Variants in PEX5L observed in about 807,000 individuals in gnomAD.
The protein encoded by PEX5L is peroxisomal biogenesis factor 5 like, also known as PEX5-related protein.
A neutral mutation model predicts 84.0 loss-of-function variants in PEX5L; 30 were observed. The ratio of observed to expected loss-of-function variants is 0.36; its 90% CI spans 0.27 to 0.48. The LOEUF (loss-of-function observed/expected upper bound fraction) is 0.48, where lower values mean the gene tolerates loss of function less well. Ranked by LOEUF, PEX5L falls within the 20% of genes least tolerant of loss-of-function variation. The pLI is 0.99. For missense variants in PEX5L, 533 were observed against 754.6 expected (o/e 0.71, Z 3.44); for synonymous variants, 270 against 283.1 (o/e 0.95, Z 0.46).
intron 8 of PEX5L, among the ~76,000 whole-genome samples, chr3:179,853,698 T>C (rs1302890517): frequency 2.0e-5 from 3 of 152,186 alleles, no homozygotes; most frequent in African/African-American, 7.2e-5. Context: ...AATGGGAGTA[T>C]CTATCTCTTT....
chr3:179,983,023 A>G (rs1786476839), intron 1 of PEX5L, among the ~76,000 whole-genome samples: 1 of 152,052 alleles, frequency 6.6e-6, no homozygotes, highest in South Asian at 2.1e-4. Flanking sequence ...GCTTTATAAC[A>G]AAAAGGAAAA....
intron 1 of PEX5L, among the ~76,000 whole-genome samples, chr3:180,010,246 C>CTTTTTTTTTTTTTTTTTTTTTT (rs1178375452): frequency 4.3e-4 from 45 of 105,142 alleles, no homozygotes; most frequent in African/African-American, 7.4e-4. Flanking sequence ...CACCCGGCCT[C>CTTTTTTTTTTTTTTTTTTTTTT]TTTTTTTTTT....
At chr3:180,003,272 AATCC>A (rs1788588796) in intron 1 of PEX5L, among the ~76,000 whole-genome samples, 1 of 152,186 alleles carries the variant, frequency 6.6e-6, no homozygotes, top group Non-Finnish European at 1.5e-5. Flanking sequence ...TCTGGGATTT[AATCC>A]ATTATTACAA....
rs998341644 is a variant in PEX5L, at chr3:179,977,331, C to T, written c.22-5666G>A. Among the ~76,000 whole-genome samples, 7 of 152,236 alleles carry T rather than the reference C, an allele frequency of 4.6e-5. No homozygotes were observed. In the South Asian group the frequency reaches 8.3e-4, roughly 18 times the overall value. ...GTTTTTTGTTTTGTGTTTAAACGCT[C>T]GTAGAGATACATGTTGCAGTTTTTA... On this transcript the variant is annotated intron_variant, in intron 1 of 14. Coordinates refer to ENST00000467460, the MANE Select transcript of PEX5L (RefSeq NM_016559.3).
At chr3:179,874,458 C>T (rs775031397) in intron 6 of PEX5L, 35 bp from the exon 7 acceptor site, 2 of 1,054,568 alleles carry the variant, frequency 1.9e-6, no homozygotes, top group Middle Eastern at 2.0e-4. Flanking sequence ...TAAACGTACA[C>T]TAGAAACAAA....
intron 1 of PEX5L, among the ~76,000 whole-genome samples, chr3:180,023,606 A>G (rs903856899): frequency 6.6e-6 from 1 of 152,204 alleles, no homozygotes; most frequent in Non-Finnish European, 1.5e-5. Flanking sequence ...AGGCCTGATA[A>G]TAATAGAATC....
chr3:179,805,499 A>G lies in PEX5L; in HGVS notation c.1676+2175T>C, dbSNP rs370133130. Among the ~76,000 whole-genome samples, 18 of 152,064 alleles carry G rather than the reference A, an allele frequency of 1.2e-4. No individual in the cohort carries two copies. The East Asian group carries it at 3.5e-3, about 29-fold the overall frequency. ...CATCTCCAGATTACTTATAACTAAT[A>G]AAATGTAAATGCTATGTATTTGTCA... On this transcript the variant is annotated intron_variant, in intron 14 of 14. Coordinates refer to ENST00000467460, the MANE Select transcript of PEX5L (RefSeq NM_016559.3).
intron 2 of PEX5L, among the ~76,000 whole-genome samples, chr3:179,953,818 T>C (rs1361729345): frequency 2.0e-5 from 3 of 152,006 alleles, no homozygotes; most frequent in African/African-American, 7.3e-5. Context: ...GGCTCAAAGG[T>C]TGACATGCAG....
intron 2 of PEX5L, among the ~76,000 whole-genome samples, chr3:179,947,157 A>G (rs1777781852): frequency 6.6e-6 from 1 of 152,208 alleles, no homozygotes; most frequent in Non-Finnish European, 1.5e-5. Flanking sequence ...GGCCTTTCTC[A>G]GTTCCACAGA....
intron 1 of PEX5L, among the ~76,000 whole-genome samples, chr3:180,035,075 TTAG>T (rs1791779434): frequency 6.6e-6 from 1 of 152,182 alleles, no homozygotes; most frequent in Non-Finnish European, 1.5e-5. Context: ...TAATTTCCCC[TTAG>T]TGGTCAATTG....
intron 2 of PEX5L, among the ~76,000 whole-genome samples, chr3:179,960,912 AC>A (rs1320744124): frequency 3.0e-4 from 45 of 152,208 alleles, no homozygotes; most frequent in African/African-American, 8.9e-4. Context: ...TAACTGAACA[AC>A]CCTTGACTGG....
At chr3:179,849,840 C>T (rs960593957) in intron 8 of PEX5L, among the ~76,000 whole-genome samples, 4 of 152,194 alleles carry the variant, frequency 2.6e-5, no homozygotes, top group African/African-American at 7.2e-5. Flanking sequence ...GTGGATTTCT[C>T]AGATTTAAAG....
At chr3:179,926,507 C>G (rs79512841) in intron 2 of PEX5L, among the ~76,000 whole-genome samples, 2 of 152,210 alleles carry the variant, frequency 1.3e-5, no homozygotes, top group Non-Finnish European at 2.9e-5. Context: ...TCAAGCATCA[C>G]CTCCTCAGAT....
intron 1 of PEX5L, among the ~76,000 whole-genome samples, chr3:179,975,735 C>A (rs1217470229): frequency 6.6e-6 from 1 of 152,180 alleles, no homozygotes; most frequent in African/African-American, 2.4e-5. Context: ...TATCTTCAGC[C>A]TTTTCTCTAC....
chr3:179,942,045 GAA>G (rs1776284097), intron 2 of PEX5L, among the ~76,000 whole-genome samples: 1 of 142,834 alleles, frequency 7.0e-6, no homozygotes, highest in Non-Finnish European at 1.5e-5. Context: ...AAGAAGAAAA[GAA>G]AAGATTATCA....
At chr3:179,857,971 G>A (rs964110805) in intron 8 of PEX5L, among the ~76,000 whole-genome samples, 2 of 152,086 alleles carry the variant, frequency 1.3e-5, no homozygotes, top group African/African-American at 4.8e-5. Context: ...GTATTGTGGT[G>A]AAATAAAAGT....
intron 2 of PEX5L, among the ~76,000 whole-genome samples, chr3:179,958,674 C>A (rs78632047): frequency 3.3e-5 from 5 of 152,176 alleles, no homozygotes; most frequent in African/African-American, 1.2e-4. Flanking sequence ...TGAGTAGGTT[C>A]GCTTTAATGA....
chr3:179,958,179 A>T (rs1279953884), intron 2 of PEX5L, among the ~76,000 whole-genome samples: 1 of 152,208 alleles, frequency 6.6e-6, no homozygotes, highest in African/African-American at 2.4e-5. Flanking sequence ...CTTTAAAAAT[A>T]GGAAGGCTTT....
intron 1 of PEX5L, among the ~76,000 whole-genome samples, chr3:179,987,163 G>A (rs970698114): frequency 1.6e-4 from 25 of 152,108 alleles, no homozygotes; most frequent in Admixed American, 1.3e-3. Flanking sequence ...CATGTCAGCT[G>A]CTTAGAACAC....
Sources: allele counts gnomAD v4.1 joint callset (sites outside exome capture counted in the v4.1 genomes callset), GRCh38; gene constraint gnomAD v4.1.1; transcripts MANE v1.5; gene names NCBI Gene and HGNC (gene_info 2026-07-23, HGNC 2026-07-21).